The following CRY1 variants were observed in gnomAD, a reference collection of about 807,000 sequenced individuals.
The protein encoded by CRY1 is cryptochrome circadian regulator 1, also known as cryptochrome-1.
CRY1 carries 45 observed loss-of-function variants against 76.0 expected under a neutral mutation model. The ratio of observed to expected loss-of-function variants is 0.59; its 90% CI spans 0.47 to 0.76. CRY1 has a LOEUF of 0.76. Ranked by LOEUF, CRY1 falls within the 30% of genes least tolerant of loss-of-function variation. The pLI is 0.00. For missense variants in CRY1, 587 were observed against 716.4 expected (o/e 0.82, Z 2.06); for synonymous variants, 248 against 244.0 (o/e 1.02, Z -0.15).
At chr12:107,005,922 G>A (rs924474676) in intron 2 of CRY1, among the ~76,000 whole-genome samples, 5 of 152,132 alleles carry the variant, frequency 3.3e-5, no homozygotes, top group Admixed American at 1.3e-4. Flanking sequence ...GTGACTTAAA[G>A]GAATTGATTT....
intron 2 of CRY1, among the ~76,000 whole-genome samples, chr12:107,007,397 G>A (rs2136828866): frequency 6.6e-6 from 1 of 152,320 alleles, no homozygotes; most frequent in Middle Eastern, 3.4e-3. Context: ...GTAAGTATTT[G>A]CTACAGTGAT....
rs1952566634 is a variant in CRY1 at position 107,022,179 on chromosome 12, A to G, written c.172T>C (p.Cys58Arg). 6.3e-7 allele frequency: 1 copy of G among 1,580,292 alleles called. No individual in the cohort carries two copies. The highest frequency in any genetic ancestry group is 8.6e-7 in the Non-Finnish European group (1 of 1,161,682). Residue 58 changes from cysteine (C) to arginine (R), a missense_variant, in exon 2 of 13, where the codon TGT becomes CGT. By Grantham distance (180) the Cys-to-Arg change is radical (BLOSUM62 -3). Coordinates refer to ENST00000008527, the MANE Select transcript of CRY1 (RefSeq NM_004075.5). ...GINRWRFLLQCLEDLDANLRK... is the reference protein window; with the variant it reads ...GINRWRFLLQRLEDLDANLRK... ...AGATTGGCATCAAGATCCTCAAGAC[A>G]CTGAAGCAAAAATCTAGAGAGAAGA...
intron 1 of CRY1, among the ~76,000 whole-genome samples, chr12:107,092,599 G>A (rs1403791581): frequency 2.0e-5 from 3 of 152,198 alleles, no homozygotes; most frequent in East Asian, 3.9e-4. Context: ...CACTGATGAA[G>A]ACCGAGTGTT....
intron 1 of CRY1, among the ~76,000 whole-genome samples, chr12:107,039,959 G>A (rs1042655477): frequency 3.3e-5 from 5 of 152,086 alleles, no homozygotes; most frequent in African/African-American, 7.2e-5. Flanking sequence ...ATACACACAC[G>A]TATATGCATA....
intron 1 of CRY1, among the ~76,000 whole-genome samples, chr12:107,071,726 T>C (rs1182305966): frequency 6.6e-6 from 1 of 152,166 alleles, no homozygotes; most frequent in Non-Finnish European, 1.5e-5. Context: ...TATCTATTAG[T>C]AATGTAAGAA....
intron 1 of CRY1, among the ~76,000 whole-genome samples, chr12:107,048,020 C>A (rs1202385251): frequency 6.6e-6 from 1 of 151,388 alleles, no homozygotes; most frequent in Non-Finnish European, 1.5e-5. Flanking sequence ...ATATAGAAAA[C>A]AAGTACTATT....
At chr12:107,069,592 TATATATAAA>T (rs1953156100) in intron 1 of CRY1, among the ~76,000 whole-genome samples, 1 of 41,550 alleles carries the variant, frequency 2.4e-5, no homozygotes, top group Admixed American at 4.3e-4. Context: ...ATAAAGTATA[TATATATAAA>T]GTATATATAT....
intron 1 of CRY1, among the ~76,000 whole-genome samples, chr12:107,089,143 C>G (rs1953439506): frequency 6.6e-6 from 1 of 152,152 alleles, no homozygotes; most frequent in African/African-American, 2.4e-5. Flanking sequence ...ACCCATTCAT[C>G]AACTGATGGC....
At chr12:107,043,637 G>C (rs1307830134) in intron 1 of CRY1, among the ~76,000 whole-genome samples, 1 of 152,148 alleles carries the variant, frequency 6.6e-6, no homozygotes, top group Non-Finnish European at 1.5e-5. Flanking sequence ...TGTGGAGCTG[G>C]ACTAGCTACC....
intron 1 of CRY1, among the ~76,000 whole-genome samples, chr12:107,029,648 A>G (rs1179522490): frequency 6.6e-6 from 1 of 151,986 alleles, no homozygotes; most frequent in East Asian, 1.9e-4. Flanking sequence ...GACAACTGAA[A>G]ATTCCTCTAC....
chr12:107,060,906 A>G (rs996570938), intron 1 of CRY1, among the ~76,000 whole-genome samples: 3 of 152,096 alleles, frequency 2.0e-5, no homozygotes, highest in Non-Finnish European at 2.9e-5. Context: ...TGAACCCGGG[A>G]GGCGGAAGTT....
At chr12:107,073,266 C>T (rs1240833445) in intron 1 of CRY1, among the ~76,000 whole-genome samples, 2 of 151,282 alleles carry the variant, frequency 1.3e-5, no homozygotes, top group Non-Finnish European at 2.9e-5. Flanking sequence ...GACGAAGTGT[C>T]ACTTTGTCAC....
In CRY1 at chr12:106,991,427, G is replaced by C. The variant is rs1004422683; in HGVS notation, c.*575C>G. On this transcript the variant is annotated 3_prime_UTR_variant, in exon 13 of 13. Coordinates refer to ENST00000008527, the MANE Select transcript of CRY1 (RefSeq NM_004075.5). Reference sequence around the variant, plus strand: ...AGTAATAAATGAACAAAGAAACAGAGACAGAGAACTTAACACATGATACTT... The same window carrying C: ...AGTAATAAATGAACAAAGAAACAGACACAGAGAACTTAACACATGATACTT... The C allele has an allele frequency of 6.6e-6, 1 of 152,494 alleles. No homozygotes were observed. Among genetic ancestry groups the C allele is most frequent in the African/African-American group, 2.4e-5 (1 of 41,408 alleles). 9.4% of individuals were successfully genotyped at this position (152,494 alleles called of 1,614,324 possible).
intron 1 of CRY1, among the ~76,000 whole-genome samples, chr12:107,030,786 G>A (rs1354567066): frequency 2.0e-5 from 3 of 151,992 alleles, no homozygotes; most frequent in African/African-American, 7.3e-5. Flanking sequence ...GGTGGGGAAG[G>A]GGGCAGGGGA....
At position 106,997,693 on chromosome 12, in the gene CRY1, TTGGGAGAA is replaced by T. The variant is rs1174881795; in HGVS notation, c.1290-11_1290-4del. The T allele has an allele frequency of 6.2e-7, 1 of 1,613,352 alleles. No homozygotes were observed. Among genetic ancestry groups the T allele is most frequent in the South Asian group, 1.1e-5 (1 of 91,048 alleles). On this transcript the variant is annotated splice_region_variant and splice_polypyrimidine_tract_variant and intron_variant, in intron 8 of 12. Coordinates refer to ENST00000008527, the MANE Select transcript of CRY1 (RefSeq NM_004075.5). ...CTCTTAGGACAGGCAAATAACGCCT[TTGGGAGAA>T]AAAAGAAAGATTACTAATAAAATGC...
chr12:107,047,074 A>T (rs984909035), intron 1 of CRY1, among the ~76,000 whole-genome samples: 2 of 152,230 alleles, frequency 1.3e-5, no homozygotes, highest in Admixed American at 1.3e-4. Context: ...TAGAATACAC[A>T]TTCTTTTCAT....
chr12:107,073,529 C>A (rs1565844112), intron 1 of CRY1, among the ~76,000 whole-genome samples: 1 of 152,158 alleles, frequency 6.6e-6, no homozygotes, highest in Non-Finnish European at 1.5e-5. Flanking sequence ...GAGTTCAAGA[C>A]AAGCCTGGCC....
chr12:107,092,555 A>C lies in CRY1; in HGVS notation c.158+249T>G, dbSNP rs192467534. On this transcript the variant is annotated intron_variant, in intron 1 of 12. Coordinates refer to ENST00000008527, the MANE Select transcript of CRY1 (RefSeq NM_004075.5). ...TAAGAATTCTCCACAAATTCAGGGG[A>C]GGAGCTCCAGTTAGCACAGAAAGAC... Among the ~76,000 whole-genome samples the C allele has an allele frequency of 5.6e-4, 86 of 152,274 alleles. No individual in the cohort carries two copies. In the East Asian group the frequency reaches 0.014, roughly 24 times the overall value.
Position 107,092,883 on chromosome 12 carries a change from C to T in CRY1, c.79G>A (p.Gly27Ser). The T allele has an allele frequency of 6.2e-7, 1 of 1,610,120 alleles. No homozygotes were observed. The highest frequency in any genetic ancestry group is 8.5e-7 in the Non-Finnish European group (1 of 1,179,294). ...DNPALKECIQ[G>S]ADTIRCVYIL... Reference sequence around the variant, plus strand: ...TAGACGCAGCGGATGGTGTCGGCGCCCTGAATGCACTCCTTCAGGGCGGGG... The same window carrying T: ...TAGACGCAGCGGATGGTGTCGGCGCTCTGAATGCACTCCTTCAGGGCGGGG... The change falls in exon 1 of 13, where the codon GGC (glycine) becomes AGC (serine). Residue 27 changes from glycine (G) to serine (S), a missense_variant. By Grantham distance (56) the Gly-to-Ser change is moderately conservative. Coordinates refer to ENST00000008527, the MANE Select transcript of CRY1 (RefSeq NM_004075.5).
Sources: gnomAD v4.1 joint callset for allele counts (sites outside exome capture counted in the v4.1 genomes callset) on GRCh38, gnomAD v4.1.1 for gene constraint, MANE v1.5 for transcripts, NCBI Gene and HGNC (gene_info 2026-07-23, HGNC 2026-07-21) for gene names.